ATXN1: variants seen among roughly 807,000 people sequenced by gnomAD.
ATXN1 encodes ataxin 1, also known as ataxin-1.
In ATXN1, 8 loss-of-function variants were observed where a neutral mutation model predicts 56.4. The observed-to-expected ratio is 0.14, with a 90% CI of 0.08 to 0.26. The LOEUF is 0.26. Among genes scored for constraint, ATXN1 ranks in the 10% least tolerant of loss-of-function variants. The probability of loss-of-function intolerance (pLI) is 1.00; values close to 1 mark genes in which losing one functional copy is unlikely to be tolerated. For missense variants in ATXN1, 987 were observed against 1,106.5 expected, an observed-to-expected ratio of 0.89 and a Z score of 1.53; for synonymous variants, 514 against 494.6, an observed-to-expected ratio of 1.04 and a Z score of -0.52.
In ATXN1 at chr6:16,328,388, C is replaced by T; in HGVS notation, c.-78G>A. On this transcript the variant is annotated 5_prime_UTR_variant, in exon 7 of 8. The change creates a new upstream start codon in the 5' untranslated region. Transcript: ENST00000436367. The surrounding 1 kb of genome is among the most constrained non-coding windows in gnomAD (Gnocchi z 6.2). ...TTTTAGTCTGATAAACGGAAAGTCA[C>T]ATTTGATTTCTGTAGGGGATCCAGG... 1 of 1,417,676 alleles carries T rather than the reference C, an allele frequency of 7.1e-7. No individual in the cohort carries two copies. The highest frequency in any genetic ancestry group is 1.7e-5 in the South Asian group (1 of 57,446). 87.8% of individuals were successfully genotyped at this position (1,417,676 alleles called of 1,614,324 possible).
rs538319232 is a variant in ATXN1 at position 16,449,658 on chromosome 6, G to A, written c.-161+36314C>T. ...AAATGTAAATGGTTTCACATTGTTA[G>A]CGATATCAGCTTTGAAAGAAGCCAT... On this transcript the variant is annotated intron_variant, in intron 6 of 7. Coordinates refer to ENST00000436367, the MANE Select transcript of ATXN1 (RefSeq NM_001128164.2). Among the ~76,000 whole-genome samples, 6 of 152,342 alleles carry A rather than the reference G, an allele frequency of 3.9e-5. No individual in the cohort carries two copies. The South Asian group carries it at 1.2e-3, about 32-fold the overall frequency.
intron 2 of ATXN1, among the ~76,000 whole-genome samples, chr6:16,728,491 C>T (rs1759898087): frequency 6.6e-6 from 1 of 152,158 alleles, no homozygotes; most frequent in Non-Finnish European, 1.5e-5. Context: ...GTTCTGCCCA[C>T]CCTTTCTACA....
intron 2 of ATXN1, among the ~76,000 whole-genome samples, chr6:16,708,483 A>G (rs944446841): frequency 5.3e-5 from 8 of 152,260 alleles, no homozygotes; most frequent in African/African-American, 1.7e-4. Context: ...ATAAAAGTAT[A>G]TATCAAAATT....
intron 7 of ATXN1, among the ~76,000 whole-genome samples, chr6:16,312,818 C>A (rs939561750): frequency 6.6e-6 from 1 of 151,878 alleles, no homozygotes; most frequent in Non-Finnish European, 1.5e-5. Flanking sequence ...CGTCTCCCCC[C>A]ATACCCCCCT....
At chr6:16,356,665 C>A (rs1430513642) in intron 6 of ATXN1, among the ~76,000 whole-genome samples, 1 of 152,144 alleles carries the variant, frequency 6.6e-6, no homozygotes, top group Non-Finnish European at 1.5e-5. Flanking sequence ...ACCAGGAAAG[C>A]CGTTTGAAAT....
At chr6:16,527,114 T>C (rs1290664473) in intron 4 of ATXN1, among the ~76,000 whole-genome samples, 2 of 152,106 alleles carry the variant, frequency 1.3e-5, no homozygotes, top group Non-Finnish European at 1.5e-5. Flanking sequence ...CTAATCTAAG[T>C]TCCTTCTCAA....
At chr6:16,464,965 CTGTT>C (rs1332240967) in intron 6 of ATXN1, among the ~76,000 whole-genome samples, 7 of 152,160 alleles carry the variant, frequency 4.6e-5, no homozygotes, top group Non-Finnish European at 7.3e-5. Context: ...AGTAGGGACA[CTGTT>C]TGTCAGGGGT....
chr6:16,727,354 G>A (rs1490693001), intron 2 of ATXN1, among the ~76,000 whole-genome samples: 2 of 152,108 alleles, frequency 1.3e-5, no homozygotes, highest in African/African-American at 4.8e-5. Flanking sequence ...GAGGTTTGAT[G>A]CTGAAAATTT....
chr6:16,482,935 C>T (rs141864897), intron 6 of ATXN1, among the ~76,000 whole-genome samples: 5 of 152,294 alleles, frequency 3.3e-5, no homozygotes, highest in African/African-American at 7.2e-5. Context: ...ATACTTTATG[C>T]AACTTGAGAC....
At position 16,616,171 on chromosome 6, in the gene ATXN1, C is replaced by G. The variant is rs372253019; in HGVS notation, c.-488-30264G>C. 3.3e-5 allele frequency: 5 copies of G among 152,162 alleles called. No homozygotes were observed. The South Asian group carries it at 1.0e-3, about 32-fold the overall frequency. 9.4% of individuals were successfully genotyped at this position (152,162 alleles called of 1,614,324 possible). On this transcript the variant is annotated intron_variant, in intron 3 of 7. Coordinates refer to ENST00000436367, the MANE Select transcript of ATXN1 (RefSeq NM_001128164.2). Reference sequence around the variant, plus strand: ...ATTAAAATACAGGAGACAAAATTATCATTATTGGAAATGTTATTGTCTACT... The same window carrying G: ...ATTAAAATACAGGAGACAAAATTATGATTATTGGAAATGTTATTGTCTACT...
chr6:16,386,993 C>T (rs1758255435), intron 6 of ATXN1, among the ~76,000 whole-genome samples: 1 of 152,102 alleles, frequency 6.6e-6, no homozygotes, highest in Admixed American at 6.5e-5. Context: ...ATTTTTACTC[C>T]CAGGGCTACT....
chr6:16,526,123 CA>C (rs928797773), intron 4 of ATXN1, among the ~76,000 whole-genome samples: 3 of 148,562 alleles, frequency 2.0e-5, no homozygotes, highest in East Asian at 2.0e-4. Flanking sequence ...TTTGCTGTCT[CA>C]TTTTTTTTAC....
At chr6:16,383,037 C>T (rs1254950772) in intron 6 of ATXN1, among the ~76,000 whole-genome samples, 1 of 152,082 alleles carries the variant, frequency 6.6e-6, no homozygotes, top group Admixed American at 6.6e-5. Context: ...CCTCCCATCT[C>T]GCCCTCCTCT....
chr6:16,461,596 T>C (rs1759999308), intron 6 of ATXN1, among the ~76,000 whole-genome samples: 1 of 152,192 alleles, frequency 6.6e-6, no homozygotes, highest in Non-Finnish European at 1.5e-5. Context: ...TGGTCTGTGT[T>C]GACCAACCAA....
intron 7 of ATXN1, among the ~76,000 whole-genome samples, chr6:16,322,920 G>A (rs1255956375): frequency 6.6e-6 from 1 of 152,208 alleles, no homozygotes; most frequent in African/African-American, 2.4e-5. Flanking sequence ...ACAGCGTGAA[G>A]CCCTAGCTGC....
chr6:16,554,597 G>A (rs1392505690), intron 4 of ATXN1, among the ~76,000 whole-genome samples: 5 of 152,062 alleles, frequency 3.3e-5, no homozygotes, highest in Non-Finnish European at 5.9e-5. Context: ...GATTACAGGC[G>A]CCCGCCACCA....
intron 1 of ATXN1, among the ~76,000 whole-genome samples, chr6:16,759,125 T>G (rs894811082): frequency 1.3e-5 from 2 of 152,246 alleles, no homozygotes; most frequent in African/African-American, 4.8e-5. Flanking sequence ...AGTAACTAGC[T>G]GTGCCTAAAA....
chr6:16,406,861 A>G (rs983498042), intron 6 of ATXN1, among the ~76,000 whole-genome samples: 30 of 152,178 alleles, frequency 2.0e-4, no homozygotes, highest in Admixed American at 1.2e-3. Context: ...ATTCCAGCCA[A>G]TGGAAACTGG....
chr6:16,456,577 GCC>G, intron 6 of ATXN1, among the ~76,000 whole-genome samples: 1 of 152,260 alleles, frequency 6.6e-6, no homozygotes, highest in Middle Eastern at 3.4e-3. Context: ...AAGTTGGTTG[GCC>G]CTGCAGCCAT....
Sources: gnomAD v4.1 joint callset for allele counts (sites outside exome capture counted in the v4.1 genomes callset) on GRCh38, gnomAD v4.1.1 for gene constraint, Gnocchi (gnomAD v3.1) non-coding constraint, MANE v1.5 for transcripts, NCBI Gene and HGNC (gene_info 2026-07-23, HGNC 2026-07-21) for gene names.